KLHL14: variants seen among roughly 807,000 people sequenced by gnomAD.
KLHL14 encodes the protein kelch like family member 14, also known as kelch-like protein 14.
A neutral mutation model predicts 64.3 loss-of-function variants in KLHL14; 22 were observed. The observed-to-expected ratio is 0.34, with a 90% CI of 0.24 to 0.49. The LOEUF (loss-of-function observed/expected upper bound fraction) is 0.49. KLHL14 is among the 20% of genes least tolerant of loss of function. KLHL14 has a pLI of 0.99. For missense variants in KLHL14, 661 were observed against 789.0 expected (o/e 0.84, Z 1.94); for synonymous variants, 322 against 333.4 (o/e 0.97, Z 0.37).
At chr18:32,676,181 T>C (rs2049810522) in intron 8 of KLHL14, among the ~76,000 whole-genome samples, 1 of 152,174 alleles carries the variant, frequency 6.6e-6, no homozygotes, top group Non-Finnish European at 1.5e-5. Context: ...TGAATTTAAT[T>C]ATGCCCTTAT....
chr18:32,714,123 T>A (rs1192398962), intron 3 of KLHL14, among the ~76,000 whole-genome samples: 1 of 152,190 alleles, frequency 6.6e-6, no homozygotes, highest in East Asian at 1.9e-4. Flanking sequence ...TTTACTAAAT[T>A]TACTAAAATT....
intron 3 of KLHL14, among the ~76,000 whole-genome samples, chr18:32,704,535 T>C (rs1311819759): frequency 6.6e-6 from 1 of 152,106 alleles, no homozygotes; most frequent in African/African-American, 2.4e-5. Flanking sequence ...CCAGCCTGAC[T>C]AACATGGTGA....
rs755471503 is a variant in KLHL14 at position 32,770,381 on chromosome 18, C to T, written c.211G>A (p.Gly71Arg). The T allele has an allele frequency of 6.3e-7, 1 of 1,592,666 alleles. No homozygotes were observed. Among genetic ancestry groups the T allele is most frequent in the Non-Finnish European group, 8.6e-7 (1 of 1,168,502 alleles). ...LFSSHPPLGG[G>R]VGGQDGLGAP... is the part of the protein sequence containing the mutation. ...CCCAGGCCGTCCTGGCCGCCGACCC[C>T]TCCCCCGAGAGGGGGGTGGCTGGAG... The change falls in exon 2 of 9, where the codon GGG becomes AGG. Residue 71 changes from glycine to arginine, a missense_variant. Physicochemically the swap from Gly to Arg is moderately radical, Grantham distance 125. Coordinates refer to ENST00000359358, the MANE Select transcript of KLHL14 (RefSeq NM_020805.3). The surrounding 1 kb of genome is among the most constrained non-coding windows in gnomAD (Gnocchi z 6.7).
In KLHL14 at chr18:32,730,450, G is replaced by A. The variant is rs1207180669; in HGVS notation, c.1069+11478C>T. 2.0e-5 allele frequency among the ~76,000 whole-genome samples: 3 copies of A among 152,302 alleles called. No individual in the cohort carries two copies. The East Asian group carries it at 5.8e-4, about 29-fold the overall frequency. On this transcript the variant is annotated intron_variant, in intron 3 of 8. Transcript: ENST00000359358. ...GTAGGAAGAAATTTAATTCCAGTCA[G>A]ACCAGTTTCCTGTGATTTTTTCCCC...
Position 32,680,576 on chromosome 18 carries a change from C to T in KLHL14, c.1262G>A (p.Arg421Gln), listed in dbSNP as rs201116188. The T allele has an allele frequency of 5.6e-6, 9 of 1,612,054 alleles. No individual in the cohort carries two copies. Among genetic ancestry groups the T allele is most frequent in the East Asian group, 2.2e-5 (1 of 44,702 alleles). ...AATTACGTATAAATGCTTGTCCAAC[C>T]GACATGCATAGAAACTGGCTCTTCT... ...QERRASFYACRLDKHLYVIGG... is the reference protein window; with the variant it reads ...QERRASFYACQLDKHLYVIGG... The change falls in exon 6 of 9, where the codon CGG becomes CAG. Residue 421 changes from arginine (R) to glutamine (Q), a missense_variant. By Grantham distance (43) the Arg-to-Gln change is conservative. Transcript: ENST00000359358. The surrounding 1 kb of genome is among the most constrained non-coding windows in gnomAD (Gnocchi z 4.8).
At position 32,770,143 on chromosome 18, in the gene KLHL14, G is replaced by A; in HGVS notation, c.449C>T (p.Ser150Phe). The change falls in exon 2 of 9, where the codon TCC becomes TTC. Residue 150 changes from serine to phenylalanine, a missense_variant. Ser to Phe is a radical substitution (Grantham distance 155). Transcript: ENST00000359358. The surrounding 1 kb of genome is among the most constrained non-coding windows in gnomAD (Gnocchi z 6.7). ...CAGCACCTCCTCCACCGTGTCCAGGGACAGGGTCACGTTGGCCGTGTAGAG... is the reference window on the plus strand; with the variant it reads ...CAGCACCTCCTCCACCGTGTCCAGGAACAGGGTCACGTTGGCCGTGTAGAG... ...EYLYTANVTL[S>F]LDTVEEVLSV... 6.2e-7 allele frequency: 1 copy of A among 1,614,172 alleles called. No homozygotes were observed. The highest frequency in any genetic ancestry group is 1.1e-5 in the South Asian group (1 of 91,086).
At position 32,770,025 on chromosome 18, in the gene KLHL14, C is replaced by T. The variant is rs747698949; in HGVS notation, c.567G>A (p.Val189=). The T allele has an allele frequency of 1.5e-4, 236 of 1,613,936 alleles. No individual in the cohort carries two copies. The highest frequency in any genetic ancestry group is 1.8e-4 in the Non-Finnish European group (214 of 1,180,006). The part of the protein sequence containing the change: ...DQISVQNYKQ[V]CKIAALHGLE... ...GGCCGTGCAGCGCGGCGATCTTGCACACCTGCTTGTAGTTCTGCACCGAGA... is the reference window on the plus strand; with the variant it reads ...GGCCGTGCAGCGCGGCGATCTTGCATACCTGCTTGTAGTTCTGCACCGAGA... Residue 189 remains valine, a synonymous_variant, in exon 2 of 9, where the codon GTG becomes GTA. Transcript: ENST00000359358. The surrounding 1 kb of genome is among the most constrained non-coding windows in gnomAD (Gnocchi z 6.7).
Position 32,770,397 on chromosome 18 carries a change from G to A in KLHL14, c.195C>T (p.His65=), listed in dbSNP as rs778112369. 3.8e-6 allele frequency: 6 copies of A among 1,598,300 alleles called. No individual in the cohort carries two copies. Among genetic ancestry groups the A allele is most frequent in the Non-Finnish European group, 3.4e-6 (4 of 1,171,218 alleles). The change falls in exon 2 of 9, where the codon CAC becomes CAT. Residue 65 remains histidine (H), a synonymous_variant. Coordinates refer to ENST00000359358, the MANE Select transcript of KLHL14 (RefSeq NM_020805.3). The surrounding 1 kb of genome is among the most constrained non-coding windows in gnomAD (Gnocchi z 6.7). ...SQYFRSLFSS[H]PPLGGGVGGQ... ...CGCCGACCCCTCCCCCGAGAGGGGG[G>A]TGGCTGGAGAAGAGCGATCGGAAGT... is the stretch of plus-strand genomic sequence containing the variant.
intron 2 of KLHL14, among the ~76,000 whole-genome samples, chr18:32,764,873 C>A (rs2050332132): frequency 1.3e-5 from 2 of 152,104 alleles, no homozygotes. Context: ...CCTGGAAAAA[C>A]AACTCTCCTA....
intron 2 of KLHL14, among the ~76,000 whole-genome samples, chr18:32,750,062 G>A (rs62092147): frequency 0.27 from 40,015 of 150,624 alleles, 5,637 homozygotes; most frequent in Non-Finnish European, 0.32. Context: ...GAGAGCACAC[G>A]TGTGTGCTCT....
rs1394068246 is a variant in KLHL14, at chr18:32,769,775, C to A, written c.817G>T (p.Glu273Ter). ...ACTGACTGGACCCGCTCCACCAGCT[C>A]CGGGGCCGGGATGAGGGCGAAGCGG... ...RLRFALIPAP[E>*]LVERVQSVDF... The change falls in exon 2 of 9, where the codon GAG (glutamate) becomes TAG (stop). Residue 273 changes from glutamate (E) to a stop codon, truncating the protein, a stop_gained. Coordinates refer to ENST00000359358, the MANE Select transcript of KLHL14 (RefSeq NM_020805.3). LOFTEE classifies it high-confidence loss of function. 6.2e-7 allele frequency: 1 copy of A among 1,609,510 alleles called. No homozygotes were observed. The highest frequency in any genetic ancestry group is 1.7e-5 in the Admixed American group (1 of 59,888).
At chr18:32,766,972 T>C (rs1480958280) in intron 2 of KLHL14, among the ~76,000 whole-genome samples, 1 of 152,174 alleles carries the variant, frequency 6.6e-6, no homozygotes, top group Non-Finnish European at 1.5e-5. Context: ...TATTTGCTTA[T>C]ACTTTGTACT....
chr18:32,746,397 G>A (rs1467088713), intron 2 of KLHL14, among the ~76,000 whole-genome samples: 3 of 152,212 alleles, frequency 2.0e-5, no homozygotes, highest in Non-Finnish European at 2.9e-5. Context: ...GCCTGTATGC[G>A]TGAGTGCTGG....
chr18:32,709,159 T>C (rs1005823666), intron 3 of KLHL14, among the ~76,000 whole-genome samples: 10 of 152,202 alleles, frequency 6.6e-5, no homozygotes, highest in African/African-American at 1.9e-4. Context: ...CTGGATACCT[T>C]TCCAAGCTCT....
chr18:32,693,864 C>CT (rs1598551578), intron 4 of KLHL14, among the ~76,000 whole-genome samples: 1 of 152,322 alleles, frequency 6.6e-6, no homozygotes, highest in East Asian at 1.9e-4. Context: ...ATTCTCTAGA[C>CT]TAGAGGAAGG....
chr18:32,737,926 T>A (rs903168711), intron 3 of KLHL14: 1 of 152,166 alleles, frequency 6.6e-6, no homozygotes, highest in Admixed American at 6.5e-5. Flanking sequence ...GCTCCATAAT[T>A]TTCATTCTAA....
At chr18:32,748,750 A>G (rs187088358) in intron 2 of KLHL14, among the ~76,000 whole-genome samples, 5 of 152,022 alleles carry the variant, frequency 3.3e-5, no homozygotes, top group South Asian at 4.2e-4. Context: ...TCGGTCTCCC[A>G]AAGTGTTAGG....
Position 32,680,325 on chromosome 18 carries a change from C to A in KLHL14, c.1432G>T (p.Gly478Cys). ...GGGACATATTCTCCATTGTGTACACCCCCTGTGAAATAAACATAGACATAC... is the reference window on the plus strand; with the variant it reads ...GGGACATATTCTCCATTGTGTACACACCCTGTGAAATAAACATAGACATAC... ...VHNGKIYISGGVHNGEYVPWL... is the reference protein window; with the variant it reads ...VHNGKIYISGCVHNGEYVPWL... The change falls in exon 7 of 9, where the codon GGT becomes TGT. Residue 478 changes from glycine (G) to cysteine (C), a missense_variant and splice_region_variant. By Grantham distance (159) the Gly-to-Cys change is radical. Coordinates refer to ENST00000359358, the MANE Select transcript of KLHL14 (RefSeq NM_020805.3). The surrounding 1 kb of genome is among the most constrained non-coding windows in gnomAD (Gnocchi z 4.8). 6.2e-7 allele frequency: 1 copy of A among 1,613,678 alleles called. No individual in the cohort carries two copies.
chr18:32,683,496 C>G lies in KLHL14; in HGVS notation c.1239-2897G>C, dbSNP rs1039798237. 1.3e-5 allele frequency among the ~76,000 whole-genome samples: 2 copies of G among 152,100 alleles called. No individual in the cohort carries two copies. The highest frequency in any genetic ancestry group is 2.9e-5 in the Non-Finnish European group (2 of 68,006). On this transcript the variant is annotated intron_variant, in intron 5 of 8. Transcript: ENST00000359358. The surrounding 1 kb of genome is among the most constrained non-coding windows in gnomAD (Gnocchi z 4.2). ...AGGTCTCTCTTGACAATGCTCCCTG[C>G]CCCTCTTCGCCACATGAAGAACATA...
Sources: gnomAD v4.1 joint callset for allele counts (sites outside exome capture counted in the v4.1 genomes callset) on GRCh38, gnomAD v4.1.1 for gene constraint, Gnocchi (gnomAD v3.1) non-coding constraint, MANE v1.5 for transcripts, NCBI Gene and HGNC (gene_info 2026-07-23, HGNC 2026-07-21) for gene names.